Variants in WASF2 observed in about 807,000 individuals in gnomAD.
WASF2 encodes actin-binding protein WASF2.
WASF2 carries 14 observed loss-of-function variants against 45.0 expected under a neutral mutation model. The observed-to-expected ratio is 0.31, with a 90% confidence interval of 0.21 to 0.49. The LOEUF is 0.49. Ranked by LOEUF, WASF2 falls within the 20% of genes least tolerant of loss-of-function variation. The pLI is 0.99. For synonymous variants in WASF2, 200 were observed against 236.3 expected, an observed-to-expected ratio of 0.85 and a Z score of 1.41; for missense variants, 439 against 636.1, an observed-to-expected ratio of 0.69 and a Z score of 3.33.
chr1:27,427,451 T>C (rs1270690021), intron 2 of WASF2, among the ~76,000 whole-genome samples: 1 of 152,228 alleles, frequency 6.6e-6, no homozygotes, highest in Non-Finnish European at 1.5e-5. Flanking sequence ...GCAGAAATTA[T>C]GCCTTTAAAA....
chr1:27,440,518 C>G (rs1439196522), intron 1 of WASF2, among the ~76,000 whole-genome samples: 1 of 146,012 alleles, frequency 6.8e-6, no homozygotes, highest in Non-Finnish European at 1.5e-5. Context: ...GAGACCCTGT[C>G]TTAAAAAAAA....
intron 1 of WASF2, among the ~76,000 whole-genome samples, chr1:27,460,729 T>C (rs1455573142): frequency 6.6e-6 from 1 of 152,252 alleles, no homozygotes; most frequent in Non-Finnish European, 1.5e-5. Context: ...ACCTCATTTA[T>C]CTAACACTGT....
intron 1 of WASF2, among the ~76,000 whole-genome samples, chr1:27,458,264 G>A (rs1451602629): frequency 2.5e-5 from 3 of 119,346 alleles, no homozygotes; most frequent in African/African-American, 3.2e-5. Flanking sequence ...AATGAGCCAA[G>A]ATCGCGTCAC....
At chr1:27,443,538 A>G (rs1295174634) in intron 1 of WASF2, among the ~76,000 whole-genome samples, 4 of 151,508 alleles carry the variant, frequency 2.6e-5, no homozygotes, top group African/African-American at 9.7e-5. Flanking sequence ...GCTTGAACCC[A>G]GGAGGCGGAG....
chr1:27,468,416 G>A (rs1257629293), intron 1 of WASF2, among the ~76,000 whole-genome samples: 14 of 148,922 alleles, frequency 9.4e-5, no homozygotes, highest in East Asian at 2.0e-4. Flanking sequence ...CGAGGCAGGC[G>A]GATCACCTGA....
At chr1:27,461,502 C>T (rs1236632178) in intron 1 of WASF2, among the ~76,000 whole-genome samples, 2 of 150,682 alleles carry the variant, frequency 1.3e-5, no homozygotes, top group Non-Finnish European at 1.5e-5. Context: ...GCTCTGTCTC[C>T]CCGGCTGGAG....
At chr1:27,484,249 T>C (rs956446315) in intron 1 of WASF2, among the ~76,000 whole-genome samples, 4 of 152,106 alleles carry the variant, frequency 2.6e-5, no homozygotes, top group African/African-American at 9.7e-5. Flanking sequence ...CACTCTACAG[T>C]AGAGATGTCC....
intron 1 of WASF2, among the ~76,000 whole-genome samples, chr1:27,429,713 T>C (rs1571131991): frequency 6.6e-6 from 1 of 151,034 alleles, no homozygotes; most frequent in South Asian, 2.1e-4. Flanking sequence ...AAAGCAGAGG[T>C]TGCAGTGAGC....
In WASF2 at chr1:27,405,119, G is replaced by A. The variant is rs768420852; in HGVS notation, c.*3070C>T. ...CTGGCACTGCAGAGTCAGAGGATGG[G>A]CGCCACGGGAAGAGATTTCACATTA... On this transcript the variant is annotated 3_prime_UTR_variant, in exon 9 of 9. Transcript: ENST00000618852. 6.6e-6 allele frequency: 1 copy of A among 152,370 alleles called. No homozygotes were observed. The highest frequency in any genetic ancestry group is 1.5e-5 in the Non-Finnish European group (1 of 68,090). 9.4% of individuals were successfully genotyped at this position (152,370 alleles called of 1,614,324 possible).
chr1:27,430,126 T>C (rs1375585061), intron 1 of WASF2, among the ~76,000 whole-genome samples: 2 of 152,222 alleles, frequency 1.3e-5, no homozygotes, highest in Non-Finnish European at 2.9e-5. Context: ...AGCTATTGTT[T>C]TAGATTTAGA....
chr1:27,430,131 T>C (rs879510068), intron 1 of WASF2, among the ~76,000 whole-genome samples: 15 of 152,350 alleles, frequency 9.8e-5, no homozygotes, highest in Admixed American at 5.9e-4. Flanking sequence ...TTGTTTTAGA[T>C]TTAGATTACC....
At chr1:27,419,205 T>G in intron 2 of WASF2, 117 bp from the exon 3 acceptor site, 3 of 1,123,582 alleles carry the variant, frequency 2.7e-6, no homozygotes, top group Non-Finnish European at 3.9e-6. Context: ...TACACACACA[T>G]ACCCTAAGAC....
intron 1 of WASF2, among the ~76,000 whole-genome samples, chr1:27,477,896 C>G (rs1472559906): frequency 2.5e-5 from 2 of 79,844 alleles, no homozygotes; most frequent in African/African-American, 8.6e-5. Flanking sequence ...GAGACTCCGT[C>G]TCAAAAAAAA....
chr1:27,470,248 G>T (rs764346502), intron 1 of WASF2, among the ~76,000 whole-genome samples: 1 of 152,214 alleles, frequency 6.6e-6, no homozygotes, highest in Non-Finnish European at 1.5e-5. Flanking sequence ...GGCTGAGTTT[G>T]TACTTTAGTC....
chr1:27,437,764 A>G (rs998319312), intron 1 of WASF2, among the ~76,000 whole-genome samples: 4 of 152,218 alleles, frequency 2.6e-5, no homozygotes, highest in African/African-American at 9.6e-5. Flanking sequence ...TAAATGGAGA[A>G]ATCTTACCCT....
chr1:27,472,073 C>T lies in WASF2; in HGVS notation c.-44+17913G>A, dbSNP rs2017696249. ...CAGGGCCAGGCGCGGTGGCTTATGCCTGTAATCGCGGTACTTTCAGAGGCA... is the reference window on the plus strand; with the variant it reads ...CAGGGCCAGGCGCGGTGGCTTATGCTTGTAATCGCGGTACTTTCAGAGGCA... On this transcript the variant is annotated intron_variant, in intron 1 of 8. Transcript: ENST00000618852. 1.3e-5 allele frequency among the ~76,000 whole-genome samples: 2 copies of T among 152,272 alleles called. 1 individual carries two copies. Among genetic ancestry groups the T allele is most frequent in the South Asian group, 4.1e-4 (2 of 4,826 alleles).
intron 1 of WASF2, among the ~76,000 whole-genome samples, chr1:27,484,818 A>AAAAAAAAAAAAAAAG (rs1432978436): frequency 6.6e-6 from 1 of 151,828 alleles, no homozygotes; most frequent in African/African-American, 2.4e-5. Context: ...TCTCAAAAAA[A>AAAAAAAAAAAAAAAG]AAAAGAATAC....
chr1:27,461,225 GAAT>G (rs1418944311), intron 1 of WASF2, among the ~76,000 whole-genome samples: 1 of 152,104 alleles, frequency 6.6e-6, no homozygotes, highest in African/African-American at 2.4e-5. Context: ...AAAGTTGCAA[GAAT>G]ATTACAAAGA....
At chr1:27,483,175 A>G (rs191423626) in intron 1 of WASF2, among the ~76,000 whole-genome samples, 2 of 152,270 alleles carry the variant, frequency 1.3e-5, no homozygotes, top group East Asian at 3.9e-4. Context: ...TCTCTACTAA[A>G]AATACAAAAT....
Sources: gnomAD v4.1 joint callset for allele counts (sites outside exome capture counted in the v4.1 genomes callset) on GRCh38, gnomAD v4.1.1 for gene constraint, MANE v1.5 for transcripts, NCBI Gene and HGNC (gene_info 2026-07-23, HGNC 2026-07-21) for gene names.